Variants in SLC30A4 observed in about 807,000 individuals in gnomAD.
SLC30A4 encodes probable proton-coupled zinc antiporter SLC30A4.
A neutral mutation model predicts 41.7 loss-of-function variants in SLC30A4; 20 were observed. The observed-to-expected ratio is 0.48, with a 90% confidence interval of 0.34 to 0.70. SLC30A4 has a LOEUF of 0.70. Among genes scored for constraint, SLC30A4 ranks in the 30% least tolerant of loss-of-function variants. The pLI is 0.01. For synonymous variants in SLC30A4, 181 were observed against 195.9 expected (o/e 0.92, Z 0.64); for missense variants, 441 against 529.3 (o/e 0.83, Z 1.64).
intron 3 of SLC30A4, among the ~76,000 whole-genome samples, chr15:45,509,403 A>C (rs948029926): frequency 1.3e-4 from 19 of 151,928 alleles, no homozygotes; most frequent in Non-Finnish European, 2.9e-5. Context: ...ACAGGCGTGC[A>C]CCACCATGCC....
intron 3 of SLC30A4, among the ~76,000 whole-genome samples, chr15:45,495,550 G>A (rs547575827): frequency 1.3e-5 from 2 of 152,284 alleles, no homozygotes; most frequent in Admixed American, 6.5e-5. Context: ...GCTAAATCTG[G>A]CAAATCCCAC....
rs147592906 is a variant in SLC30A4, at chr15:45,498,969, C to T, written c.539-8088G>A. On this transcript the variant is annotated intron_variant, in intron 3 of 7. Transcript: ENST00000261867. ...TTAGCATTGTAACCAGGTACCTAAC[C>T]CAGGACAATCCATCATCTAGCCAGC... Among the ~76,000 whole-genome samples the T allele has an allele frequency of 6.6e-4, 100 of 152,220 alleles. 1 individual carries two copies. Among genetic ancestry groups the T allele is most frequent in the African/African-American group, 2.3e-3 (95 of 41,518 alleles).
intron 3 of SLC30A4, among the ~76,000 whole-genome samples, chr15:45,504,195 T>G (rs1214754500): frequency 1.3e-5 from 2 of 152,138 alleles, no homozygotes; most frequent in East Asian, 3.9e-4. Flanking sequence ...AGGAGAAAAC[T>G]AAAATGTGAA....
At chr15:45,513,001 A>T (rs1892345210) in intron 2 of SLC30A4, among the ~76,000 whole-genome samples, 1 of 151,932 alleles carries the variant, frequency 6.6e-6, no homozygotes, top group Admixed American at 6.6e-5. Flanking sequence ...TTGACTAAAA[A>T]AAAAAAAGAA....
In SLC30A4 at chr15:45,522,610, G is replaced by C. The variant is rs894959228; in HGVS notation, c.-118C>G. ...GGGCGGCACATCTATTTAATACCTG[G>C]GGCGCTGCCGCGGGGCCGCAACTCA... On this transcript the variant is annotated 5_prime_UTR_variant, in exon 1 of 8. Transcript: ENST00000261867. 8.5e-6 allele frequency: 3 copies of C among 352,200 alleles called. No homozygotes were observed. The highest frequency in any genetic ancestry group is 1.5e-5 in the Non-Finnish European group (3 of 197,662). 21.8% of individuals were successfully genotyped at this position (352,200 alleles called of 1,614,324 possible).
At chr15:45,517,165 AT>A (rs1160241561) in intron 2 of SLC30A4, among the ~76,000 whole-genome samples, 1 of 151,496 alleles carries the variant, frequency 6.6e-6, no homozygotes, top group East Asian at 1.9e-4. Context: ...AAAAAAAAAA[AT>A]TTGGAACACC....
At chr15:45,517,176 C>G (rs1004126261) in intron 2 of SLC30A4, among the ~76,000 whole-genome samples, 1 of 150,998 alleles carries the variant, frequency 6.6e-6, no homozygotes, top group Non-Finnish European at 1.5e-5. Context: ...TTTGGAACAC[C>G]TTTTTCCCTC....
intron 3 of SLC30A4, chr15:45,502,773 T>C (rs971630020): frequency 3.3e-5 from 5 of 152,284 alleles, no homozygotes; most frequent in Non-Finnish European, 5.9e-5. Context: ...GGTGGAAGGA[T>C]AGCTTGAAGC....
At chr15:45,491,477 A>AACACTT (rs1288030388) in intron 3 of SLC30A4, among the ~76,000 whole-genome samples, 5 of 152,194 alleles carry the variant, frequency 3.3e-5, no homozygotes, top group Non-Finnish European at 4.4e-5. Flanking sequence ...GTAATCCTCC[A>AACACTT]ACACTTTGGG....
Position 45,522,228 on chromosome 15 carries a change from A to T in SLC30A4, c.127T>A (p.Phe43Ile). 1.2e-6 allele frequency: 2 copies of T among 1,614,238 alleles called. No individual in the cohort carries two copies. The highest frequency in any genetic ancestry group is 1.7e-6 in the Non-Finnish European group (2 of 1,180,046). The change falls in exon 2 of 8, where the codon TTC becomes ATC. Residue 43 changes from phenylalanine (F) to isoleucine (I), a missense_variant. Coordinates refer to ENST00000261867, the MANE Select transcript of SLC30A4 (RefSeq NM_013309.6). ...DEAGDEGLSR[F>I]NKLRVVVADD... ...GCCACCACAACTCGAAGTTTGTTGA[A>T]CCGAGAAAGCCCCTCGTCCCCCGCC...
rs377580336 is a variant in SLC30A4 at position 45,487,596 on chromosome 15, C to T, written c.931G>A (p.Val311Ile). 8.2e-6 allele frequency: 13 copies of T among 1,580,186 alleles called. No individual in the cohort carries two copies. In the African/African-American group the frequency reaches 9.5e-5, roughly 12 times the overall value. ...GTAAAAGCCACAAGTAATGAAAATA[C>T]GTATGTACAGATGGGGTCAGCAATC... ...YKIADPICTY[V>I]FSLLVAFTTF... The change falls in exon 6 of 8, where the codon GTA (valine) becomes ATA (isoleucine). Residue 311 changes from valine (V) to isoleucine (I), a missense_variant. Physicochemically the swap from Val to Ile is conservative, Grantham distance 29 (BLOSUM62 3). This residue lies in a region of SLC30A4 where 29 missense variants were observed against 66.4 expected (regional missense o/e 0.44). Coordinates refer to ENST00000261867, the MANE Select transcript of SLC30A4 (RefSeq NM_013309.6).
At chr15:45,486,812 T>C in intron 6 of SLC30A4, 67 bp from the exon 7 acceptor site, 1 of 888,658 alleles carries the variant, frequency 1.1e-6, no homozygotes, top group Non-Finnish European at 1.6e-6. Context: ...ACATTACCGA[T>C]GACATTTATC....
At chr15:45,485,393 T>C (rs1409162426) in intron 7 of SLC30A4, 76 bp from the exon 8 acceptor site, 1 of 932,202 alleles carries the variant, frequency 1.1e-6, no homozygotes, top group Non-Finnish European at 1.6e-6. Flanking sequence ...AAAAAACAAC[T>C]GAAATATACT....
At chr15:45,504,081 G>A (rs1007983569) in intron 3 of SLC30A4, among the ~76,000 whole-genome samples, 7 of 152,166 alleles carry the variant, frequency 4.6e-5, no homozygotes, top group African/African-American at 1.7e-4. Context: ...GGAAGTAATA[G>A]CCTCCAGAGT....
intron 2 of SLC30A4, chr15:45,519,567 T>C (rs375867176): frequency 1.9e-4 from 29 of 152,358 alleles, no homozygotes; most frequent in African/African-American, 2.4e-4. Context: ...TATAACATTT[T>C]GAATAATATT....
intron 3 of SLC30A4, among the ~76,000 whole-genome samples, chr15:45,493,828 A>G (rs1319773305): frequency 3.3e-5 from 5 of 152,136 alleles, no homozygotes; most frequent in African/African-American, 7.2e-5. Context: ...CTCTGTCTCA[A>G]AAACAAAAAC....
chr15:45,484,734 G>A lies in SLC30A4; in HGVS notation c.*429C>T, dbSNP rs531624277. 1.3e-5 allele frequency: 2 copies of A among 153,974 alleles called. No individual in the cohort carries two copies. Among genetic ancestry groups the A allele is most frequent in the South Asian group, 4.1e-4 (2 of 4,906 alleles). 9.5% of individuals were successfully genotyped at this position (153,974 alleles called of 1,614,324 possible). On this transcript the variant is annotated 3_prime_UTR_variant, in exon 8 of 8. Coordinates refer to ENST00000261867, the MANE Select transcript of SLC30A4 (RefSeq NM_013309.6). Reference sequence around the variant, plus strand: ...CTGTAAAAAGAAAGCAGCAATTCCAGAAGCTGGGTGTCGAGATTATTATAC... The same window carrying A: ...CTGTAAAAAGAAAGCAGCAATTCCAAAAGCTGGGTGTCGAGATTATTATAC...
In SLC30A4 at chr15:45,511,158, G is replaced by A. The variant is rs751533220; in HGVS notation, c.518C>T (p.Thr173Ile). The change falls in exon 3 of 8, where the codon ACC becomes ATC. Residue 173 changes from threonine (T) to isoleucine (I), a missense_variant. Around this residue, in one of 3 missense-constraint regions of SLC30A4, gnomAD observed 312 missense variants for 341.9 expected, o/e 0.91. Coordinates refer to ENST00000261867, the MANE Select transcript of SLC30A4 (RefSeq NM_013309.6). The part of the protein sequence containing the change: ...LSSKSPTKRF[T>I]FGFHRLEVLS... ...CCTACCTAAGCGATGAAATCCAAAG[G>A]TGAATCTTTTGGTTGGTGATTTTGA... The A allele has an allele frequency of 6.2e-7, 1 of 1,613,634 alleles. No individual in the cohort carries two copies. The highest frequency in any genetic ancestry group is 8.5e-7 in the Non-Finnish European group (1 of 1,179,774).
At chr15:45,511,882 T>C (rs1708344695) in intron 2 of SLC30A4, among the ~76,000 whole-genome samples, 1 of 152,234 alleles carries the variant, frequency 6.6e-6, no homozygotes, top group African/African-American at 2.4e-5. Flanking sequence ...GTCTTGGTAC[T>C]GAAGCTTTTG....
Sources: allele counts gnomAD v4.1 joint callset (sites outside exome capture counted in the v4.1 genomes callset), GRCh38; gene constraint gnomAD v4.1.1; regional missense constraint gnomAD v4.1.1; transcripts MANE v1.5; gene names NCBI Gene and HGNC (gene_info 2026-07-23, HGNC 2026-07-21).